Variants in GNB1L observed in about 807,000 individuals in gnomAD.
GNB1L encodes guanine nucleotide-binding protein subunit beta-like protein 1.
A neutral mutation model predicts 29.1 loss-of-function variants in GNB1L; 20 were observed. The observed-to-expected ratio is 0.69, with a 90% CI of 0.48 to 1.00. GNB1L has a LOEUF of 1.00. Ranked by LOEUF, GNB1L falls within the 50% of genes least tolerant of loss-of-function variation. The pLI is 0.00. For synonymous variants in GNB1L, 193 were observed against 206.5 expected (o/e 0.93, Z 0.56); for missense variants, 421 against 464.9 (o/e 0.91, Z 0.87).
At chr22:19,820,447 T>C (rs1163592364) in intron 4 of GNB1L, 151 bp downstream of exon 4, 1 of 800,618 alleles carries the variant, frequency 1.2e-6, no homozygotes, top group Non-Finnish European at 2.0e-6. Flanking sequence ...GGGCTGGACC[T>C]GCACACCCTG....
intron 2 of GNB1L, chr22:19,851,293 T>G (rs769821927): frequency 1.9e-6 from 3 of 1,613,534 alleles, no homozygotes; most frequent in Non-Finnish European, 1.7e-6. Flanking sequence ...TTTTCTGGGG[T>G]TTTGGACCTC....
At chr22:19,824,842 G>C (rs971945919) in intron 2 of GNB1L, among the ~76,000 whole-genome samples, 5 of 152,240 alleles carry the variant, frequency 3.3e-5, no homozygotes, top group African/African-American at 9.6e-5. Flanking sequence ...TGCGGCAGTG[G>C]CTGGAGCCCA....
intron 2 of GNB1L, among the ~76,000 whole-genome samples, chr22:19,853,537 C>G (rs113625123): frequency 3.0e-4 from 46 of 152,324 alleles, no homozygotes; most frequent in African/African-American, 1.1e-3. Context: ...CACCGGCTCA[C>G]TGGGAGCACA....
intron 2 of GNB1L, chr22:19,847,552 T>C (rs1375447862): frequency 3.0e-6 from 3 of 985,230 alleles, no homozygotes; most frequent in South Asian, 4.7e-5. Context: ...CCTCAGCTCA[T>C]GCGGGGAGGG....
chr22:19,815,389 T>A (rs552106954), intron 4 of GNB1L, among the ~76,000 whole-genome samples: 1 of 152,258 alleles, frequency 6.6e-6, no homozygotes, highest in South Asian at 2.1e-4. Context: ...CACAAAGACG[T>A]GCACAGCCCC....
intron 5 of GNB1L, among the ~76,000 whole-genome samples, chr22:19,812,084 G>A (rs1937506829): frequency 6.6e-6 from 1 of 152,250 alleles, no homozygotes; most frequent in Non-Finnish European, 1.5e-5. Context: ...ACTGCCCTGG[G>A]AGGATGGCTC....
rs1030274222 is a variant in GNB1L, at chr22:19,816,154, T to C, written c.255-3707A>G. Among the ~76,000 whole-genome samples, 1 of 152,172 alleles carries C rather than the reference T, an allele frequency of 6.6e-6. No individual in the cohort carries two copies. The highest frequency in any genetic ancestry group is 1.5e-5 in the Non-Finnish European group (1 of 68,012). On this transcript the variant is annotated intron_variant, in intron 4 of 7. Coordinates refer to ENST00000329517, the MANE Select transcript of GNB1L (RefSeq NM_053004.3). The surrounding 1 kb of genome is among the most constrained non-coding windows in gnomAD (Gnocchi z 4.4). The stretch of plus-strand genomic sequence containing the variant: ...CTGCATGGCCCCTTCTCTCTCCCTG[T>C]CTCTGCCTCTCTCTCATGTCTTTGC...
At chr22:19,842,706 A>G (rs1201247454) in intron 2 of GNB1L, among the ~76,000 whole-genome samples, 1 of 152,188 alleles carries the variant, frequency 6.6e-6, no homozygotes, top group African/African-American at 2.4e-5. Context: ...CACGGCCACA[A>G]AGGACCAGAA....
chr22:19,820,482 C>T, intron 4 of GNB1L, 116 bp downstream of exon 4: 2 of 1,164,010 alleles, frequency 1.7e-6, no homozygotes, highest in Non-Finnish European at 2.4e-6. Flanking sequence ...CCTTTGCTGG[C>T]CCCTTCTGGT....
At chr22:19,827,704 A>G (rs777290683) in intron 2 of GNB1L, among the ~76,000 whole-genome samples, 8 of 152,210 alleles carry the variant, frequency 5.3e-5, no homozygotes, top group Non-Finnish European at 1.0e-4. Context: ...ATGTTGATGA[A>G]GACAGAGGAC....
chr22:19,817,831 C>T (rs1937543419), intron 4 of GNB1L, among the ~76,000 whole-genome samples: 1 of 152,194 alleles, frequency 6.6e-6, no homozygotes, highest in South Asian at 2.1e-4. Context: ...AGCCGTAATA[C>T]AATGCTCTGA....
chr22:19,833,720 G>T (rs959901051), intron 2 of GNB1L, among the ~76,000 whole-genome samples: 8 of 152,068 alleles, frequency 5.3e-5, no homozygotes, highest in Admixed American at 4.6e-4. Context: ...ACAAAAATTA[G>T]CCAGGCATGG....
chr22:19,798,345 C>T (rs1937330929), intron 7 of GNB1L, among the ~76,000 whole-genome samples: 1 of 152,182 alleles, frequency 6.6e-6, no homozygotes, highest in African/African-American at 2.4e-5. Flanking sequence ...GAACAGGAGG[C>T]TGATTTGATG....
chr22:19,809,164 C>T (rs1428054803), intron 5 of GNB1L, among the ~76,000 whole-genome samples: 2 of 151,748 alleles, frequency 1.3e-5, no homozygotes, highest in African/African-American at 4.8e-5. Context: ...TAAAAACCCC[C>T]AAGACCATAG....
At chr22:19,827,202 C>T (rs1937626368) in intron 2 of GNB1L, among the ~76,000 whole-genome samples, 1 of 152,124 alleles carries the variant, frequency 6.6e-6, no homozygotes, top group African/African-American at 2.4e-5. Flanking sequence ...CTACGAGATA[C>T]ATCCGAAAGT....
At chr22:19,836,566 C>T (rs1292015868) in intron 2 of GNB1L, among the ~76,000 whole-genome samples, 2 of 152,142 alleles carry the variant, frequency 1.3e-5, no homozygotes, top group East Asian at 3.8e-4. Context: ...CAAAACCAGA[C>T]AAAGTTAGTA....
intron 2 of GNB1L, chr22:19,852,336 C>G (rs1787958826): frequency 2.0e-6 from 3 of 1,483,918 alleles, no homozygotes; most frequent in Non-Finnish European, 1.8e-6. Context: ...GTGGCTTGCA[C>G]GACACAACAG....
intron 5 of GNB1L, among the ~76,000 whole-genome samples, chr22:19,810,671 G>T (rs1016500702): frequency 1.3e-5 from 2 of 152,140 alleles, no homozygotes; most frequent in Non-Finnish European, 2.9e-5. Flanking sequence ...AAAATGTTAG[G>T]TTTGGGCAAG....
intron 2 of GNB1L, among the ~76,000 whole-genome samples, chr22:19,837,288 T>C (rs972350689): frequency 6.6e-6 from 1 of 151,984 alleles, no homozygotes; most frequent in African/African-American, 2.4e-5. Context: ...ATTAAGAAAA[T>C]GAAAAGACAA....
Sources: gnomAD v4.1 joint callset for allele counts (sites outside exome capture counted in the v4.1 genomes callset) on GRCh38, gnomAD v4.1.1 for gene constraint, Gnocchi (gnomAD v3.1) non-coding constraint, MANE v1.5 for transcripts, NCBI Gene and HGNC (gene_info 2026-07-23, HGNC 2026-07-21) for gene names.